The following DNER variants were observed in gnomAD, a reference collection of about 807,000 sequenced individuals.
DNER encodes delta and Notch-like epidermal growth factor-related receptor.
DNER carries 33 observed loss-of-function variants against 78.2 expected under a neutral mutation model. The ratio of observed to expected loss-of-function variants is 0.42; its 90% CI spans 0.32 to 0.56. The LOEUF (loss-of-function observed/expected upper bound fraction) is 0.56. Ranked by LOEUF, DNER falls within the 20% of genes least tolerant of loss-of-function variation. DNER has a pLI of 0.11. For missense variants in DNER, 918 were observed against 975.3 expected (o/e 0.94, Z 0.78); for synonymous variants, 417 against 384.8 (o/e 1.08, Z -0.98).
rs559118774 is a variant in DNER, at chr2:229,714,208, G to A, written c.216C>T (p.Pro72=). 1 of 1,384,384 alleles carries A rather than the reference G, an allele frequency of 7.2e-7. No individual in the cohort carries two copies. The allele number at this position is 1,384,384 out of a possible 1,614,324, so 85.8% of individuals were successfully genotyped here. Residue 72 remains proline (P), a synonymous_variant, in exon 1 of 13, where the codon CCC becomes CCT. Coordinates refer to ENST00000341772, the MANE Select transcript of DNER (RefSeq NM_139072.4). The part of the protein sequence containing the change: ...RPEPDPQHPA[P]AGEPGYSCTC... ...TGCAGCTGTAGCCAGGCTCGCCGGCGGGGGCCGGGTGCTGCGGGTCCGGCT... is the reference window on the plus strand; with the variant it reads ...TGCAGCTGTAGCCAGGCTCGCCGGCAGGGGCCGGGTGCTGCGGGTCCGGCT...
At chr2:229,584,904 A>AC (rs1485159896) in intron 4 of DNER, among the ~76,000 whole-genome samples, 2 of 151,924 alleles carry the variant, frequency 1.3e-5, no homozygotes, top group African/African-American at 4.8e-5. Flanking sequence ...AAAAAAAAAA[A>AC]AAAAAAAGAA....
chr2:229,427,840 G>T (rs1168314330), intron 8 of DNER, among the ~76,000 whole-genome samples: 1 of 152,156 alleles, frequency 6.6e-6, no homozygotes, highest in Non-Finnish European at 1.5e-5. Context: ...ACTTTGGGAG[G>T]CTGAGGCGGG....
intron 7 of DNER, among the ~76,000 whole-genome samples, chr2:229,472,167 T>C (rs767345277): frequency 1.3e-5 from 2 of 152,214 alleles, no homozygotes. Flanking sequence ...TCTTATCCCA[T>C]AGGAATAGTG....
intron 7 of DNER, among the ~76,000 whole-genome samples, chr2:229,470,415 C>T (rs1694899330): frequency 6.6e-6 from 1 of 151,836 alleles, no homozygotes; most frequent in Non-Finnish European, 1.5e-5. Context: ...TTCCCCAGTG[C>T]TAATGAAAAA....
At chr2:229,491,888 A>G (rs1695406617) in intron 6 of DNER, among the ~76,000 whole-genome samples, 1 of 152,034 alleles carries the variant, frequency 6.6e-6, no homozygotes, top group Non-Finnish European at 1.5e-5. Flanking sequence ...ATGGTTGCTC[A>G]GCCATAACCT....
chr2:229,667,222 G>A (rs1455180294), intron 1 of DNER, among the ~76,000 whole-genome samples: 16 of 152,206 alleles, frequency 1.1e-4, no homozygotes, highest in Non-Finnish European at 2.2e-4. Context: ...CTGTGGCAGC[G>A]AGAGGGGCCC....
chr2:229,370,195 C>T (rs1007436721), intron 11 of DNER, among the ~76,000 whole-genome samples: 4 of 152,194 alleles, frequency 2.6e-5, no homozygotes, highest in Admixed American at 2.6e-4. Flanking sequence ...CACAGATAGA[C>T]ACCCAAACAG....
intron 4 of DNER, among the ~76,000 whole-genome samples, chr2:229,561,992 C>A (rs1696967636): frequency 6.6e-6 from 1 of 152,158 alleles, no homozygotes; most frequent in Non-Finnish European, 1.5e-5. Context: ...GCTTGGACAG[C>A]CAGTTTGCAT....
chr2:229,532,671 G>T (rs1696328370), intron 5 of DNER, among the ~76,000 whole-genome samples: 1 of 152,224 alleles, frequency 6.6e-6, no homozygotes, highest in African/African-American at 2.4e-5. Flanking sequence ...CAATTTCCTG[G>T]AAAGCAACTG....
At chr2:229,540,990 G>C (rs1038043201) in intron 5 of DNER, among the ~76,000 whole-genome samples, 3 of 152,232 alleles carry the variant, frequency 2.0e-5, no homozygotes, top group African/African-American at 7.2e-5. Context: ...CTATGGGATT[G>C]TTATTGAACC....
intron 7 of DNER, among the ~76,000 whole-genome samples, chr2:229,458,849 A>G (rs1365733806): frequency 6.6e-6 from 1 of 152,018 alleles, no homozygotes; most frequent in Non-Finnish European, 1.5e-5. Flanking sequence ...ACAATCTACG[A>G]TTTTATACAA....
At position 229,538,208 on chromosome 2, in the gene DNER, G is replaced by A. The variant is rs530737364; in HGVS notation, c.993+8739C>T. 1.3e-4 allele frequency among the ~76,000 whole-genome samples: 20 copies of A among 152,252 alleles called. No individual in the cohort carries two copies. In the East Asian group the frequency reaches 2.3e-3, roughly 18 times the overall value. On this transcript the variant is annotated intron_variant, in intron 5 of 12. Transcript: ENST00000341772. Reference sequence around the variant, plus strand: ...AGCAGTTTCTGCAAGTAAAATCTGTGGAAGAGATCACCCTGCTATTAGCAA... The same window carrying A: ...AGCAGTTTCTGCAAGTAAAATCTGTAGAAGAGATCACCCTGCTATTAGCAA...
intron 12 of DNER, among the ~76,000 whole-genome samples, chr2:229,360,558 G>A (rs943562839): frequency 2.2e-4 from 33 of 152,136 alleles, no homozygotes; most frequent in African/African-American, 5.3e-4. Context: ...GACTACAGGC[G>A]CCCGCCACCA....
intron 1 of DNER, among the ~76,000 whole-genome samples, chr2:229,630,748 G>T (rs1698421662): frequency 6.6e-6 from 1 of 152,054 alleles, no homozygotes; most frequent in African/African-American, 2.4e-5. Flanking sequence ...CAGGTAGTGA[G>T]CATAGTATCC....
intron 1 of DNER, among the ~76,000 whole-genome samples, chr2:229,665,625 C>T (rs1230917942): frequency 2.0e-5 from 3 of 152,168 alleles, no homozygotes; most frequent in Admixed American, 1.3e-4. Context: ...ATAAAAAATG[C>T]CAAATTGTCA....
intron 11 of DNER, among the ~76,000 whole-genome samples, chr2:229,367,404 C>G (rs902113129): frequency 6.6e-6 from 1 of 151,962 alleles, no homozygotes; most frequent in Non-Finnish European, 1.5e-5. Context: ...AGTTTGAGAC[C>G]AGCCTGGCCA....
At chr2:229,519,999 T>C (rs1454939355) in intron 5 of DNER, among the ~76,000 whole-genome samples, 3 of 152,152 alleles carry the variant, frequency 2.0e-5, no homozygotes, top group Non-Finnish European at 4.4e-5. Flanking sequence ...TGAAAGTACC[T>C]CTTATAAGAG....
chr2:229,667,919 C>G (rs189812406), intron 1 of DNER, among the ~76,000 whole-genome samples: 3 of 152,158 alleles, frequency 2.0e-5, no homozygotes, highest in African/African-American at 7.2e-5. Flanking sequence ...CAAATCCATT[C>G]GTTAATTTGG....
intron 7 of DNER, among the ~76,000 whole-genome samples, chr2:229,470,284 CTG>C (rs1694896710): frequency 6.6e-6 from 1 of 152,080 alleles, no homozygotes; most frequent in African/African-American, 2.4e-5. Context: ...ATTCATCAAA[CTG>C]TAACTTCTGA....
Sources: gnomAD v4.1 joint callset for allele counts (sites outside exome capture counted in the v4.1 genomes callset) on GRCh38, gnomAD v4.1.1 for gene constraint, MANE v1.5 for transcripts, NCBI Gene and HGNC (gene_info 2026-07-23, HGNC 2026-07-21) for gene names.